HAT1: variants seen among roughly 807,000 people sequenced by gnomAD.
HAT1 encodes histone acetyltransferase 1, also known as histone acetyltransferase type B catalytic subunit.
Under a neutral mutation model 56.6 loss-of-function variants are expected in HAT1, and 20 were observed. The observed-to-expected ratio is 0.35, with a 90% CI of 0.25 to 0.51. The LOEUF is 0.51. Ranked by LOEUF, HAT1 falls within the 20% of genes least tolerant of loss-of-function variation. The probability of loss-of-function intolerance (pLI) is 0.95; values close to 1 mark genes in which losing one functional copy is unlikely to be tolerated. For synonymous variants in HAT1, 146 were observed against 165.5 expected (o/e 0.88, Z 0.91); for missense variants, 408 against 504.3 (o/e 0.81, Z 1.83).
intron 1 of HAT1, chr2:171,922,739 C>T (rs1649794215): frequency 2.0e-5 from 8 of 398,888 alleles, no homozygotes. Flanking sequence ...AGCAATCCGG[C>T]CCCTACCGAG....
chr2:171,970,496 C>CTTTTTTTTTTTTTTTTTTTTT (rs61462189), intron 8 of HAT1, among the ~76,000 whole-genome samples: 2 of 74,978 alleles, frequency 2.7e-5, no homozygotes, highest in African/African-American at 1.4e-4. Flanking sequence ...AATGCAGTTT[C>CTTTTTTTTTTTTTTTTTTTTT]TTTTTTTTTT....
chr2:171,925,782 C>A, intron 2 of HAT1, 141 bp downstream of exon 2: 1 of 530,210 alleles, frequency 1.9e-6, no homozygotes, highest in Non-Finnish European at 3.4e-6. Context: ...TGAACATATT[C>A]AGATTTTATT....
At chr2:171,922,789 G>C (rs866370060) in intron 1 of HAT1, 36 of 385,550 alleles carry the variant, frequency 9.3e-5, no homozygotes, top group African/African-American at 7.0e-4. Context: ...ATTTGGGCTC[G>C]TAAAATGCCA....
At chr2:171,927,179 A>T (rs1328224320) in intron 2 of HAT1, among the ~76,000 whole-genome samples, 1 of 152,226 alleles carries the variant, frequency 6.6e-6, no homozygotes, top group Admixed American at 6.5e-5. Context: ...GAATTATGGA[A>T]ATGTTTGAAA....
intron 3 of HAT1, among the ~76,000 whole-genome samples, chr2:171,947,510 C>T (rs990599699): frequency 1.3e-5 from 2 of 152,060 alleles, no homozygotes; most frequent in Non-Finnish European, 2.9e-5. Flanking sequence ...CCCACCTGCG[C>T]CTCCCAAAGA....
At chr2:171,931,066 A>AAATCTGCC (rs1452270939) in intron 2 of HAT1, among the ~76,000 whole-genome samples, 2 of 152,158 alleles carry the variant, frequency 1.3e-5, no homozygotes, top group Admixed American at 6.5e-5. Flanking sequence ...GTGAATACCA[A>AAATCTGCC]AATCTGCCGA....
At chr2:171,972,328 T>C (rs980766616) in intron 8 of HAT1, among the ~76,000 whole-genome samples, 2 of 149,538 alleles carry the variant, frequency 1.3e-5, no homozygotes, top group South Asian at 4.2e-4. Context: ...TGCAGTGGAG[T>C]GATAGCTTAT....
At chr2:171,934,340 G>T (rs1266163575) in intron 2 of HAT1, among the ~76,000 whole-genome samples, 1 of 152,192 alleles carries the variant, frequency 6.6e-6, no homozygotes, top group African/African-American at 2.4e-5. Context: ...CCTTGACAAT[G>T]TAAGAGGGGT....
intron 2 of HAT1, among the ~76,000 whole-genome samples, chr2:171,939,157 C>T (rs1686952914): frequency 6.6e-6 from 1 of 152,186 alleles, no homozygotes; most frequent in South Asian, 2.1e-4. Context: ...TCCATTCCTT[C>T]CCAGTTCAGG....
chr2:171,922,753 C>G (rs369247295), intron 1 of HAT1: 1 of 395,782 alleles, frequency 2.5e-6, no homozygotes, highest in Admixed American at 4.4e-5. Context: ...TACCGAGGGC[C>G]GAAGACGCCA....
intron 4 of HAT1, among the ~76,000 whole-genome samples, chr2:171,955,702 G>T (rs1459649172): frequency 6.6e-6 from 1 of 152,206 alleles, no homozygotes; most frequent in Middle Eastern, 3.4e-3. Context: ...GAGAACACCT[G>T]TATCATCTTA....
Position 171,946,688 on chromosome 2 carries a change from T to C in HAT1, c.113-20T>C, listed in dbSNP as rs1412780626. 1.4e-6 allele frequency: 2 copies of C among 1,444,862 alleles called. No homozygotes were observed. The highest frequency in any genetic ancestry group is 9.7e-7 in the Non-Finnish European group (1 of 1,034,458). The allele number at this position is 1,444,862 out of a possible 1,614,324, so 89.5% of individuals were successfully genotyped here. A position where few individuals can be genotyped will look rare whatever the true frequency, so the allele number is the denominator to read the frequency against. Reference sequence around the variant, plus strand: ...CTTTAGTTATCTTTAATATCTCTATTTTTTTGTCCCTTGAAACAGTTCGTT... The same window carrying C: ...CTTTAGTTATCTTTAATATCTCTATCTTTTTGTCCCTTGAAACAGTTCGTT... On this transcript the variant is annotated intron_variant, in intron 2 of 10. Coordinates refer to ENST00000264108, the MANE Select transcript of HAT1 (RefSeq NM_003642.4).
intron 2 of HAT1, among the ~76,000 whole-genome samples, chr2:171,935,515 C>CAAAAAAAA (rs56220004): frequency 1.8e-5 from 1 of 55,644 alleles, no homozygotes. Flanking sequence ...AACTCCATCT[C>CAAAAAAAA]AAAAAAAAAA....
At chr2:171,978,716 T>C (rs1350839310) in intron 9 of HAT1, among the ~76,000 whole-genome samples, 1 of 152,200 alleles carries the variant, frequency 6.6e-6, no homozygotes, top group Admixed American at 6.5e-5. Flanking sequence ...TTCTTTTTGC[T>C]ACCATTTCTT....
intron 3 of HAT1, among the ~76,000 whole-genome samples, chr2:171,948,063 T>G (rs769550026): frequency 1.4e-4 from 22 of 152,222 alleles, no homozygotes; most frequent in Non-Finnish European, 2.8e-4. Context: ...TTTACCTGGA[T>G]TCACCAGTTG....
chr2:171,959,916 C>G (rs1398432002), intron 4 of HAT1, among the ~76,000 whole-genome samples: 2 of 152,162 alleles, frequency 1.3e-5, no homozygotes, highest in Non-Finnish European at 2.9e-5. Context: ...GATACAAAGG[C>G]TCTAAAAATA....
At chr2:171,938,261 T>C (rs1686927308) in intron 2 of HAT1, among the ~76,000 whole-genome samples, 1 of 151,980 alleles carries the variant, frequency 6.6e-6, no homozygotes, top group African/African-American at 2.4e-5. Context: ...AGTAAATATA[T>C]TCAAAAGGAA....
chr2:171,944,749 C>G (rs1687114780), intron 2 of HAT1, among the ~76,000 whole-genome samples: 2 of 152,148 alleles, frequency 1.3e-5, no homozygotes, highest in South Asian at 4.1e-4. Flanking sequence ...AGGTGACTAC[C>G]AGATCTCTAC....
intron 4 of HAT1, among the ~76,000 whole-genome samples, chr2:171,963,964 T>G (rs1379261638): frequency 1.3e-5 from 2 of 152,186 alleles, no homozygotes; most frequent in Non-Finnish European, 2.9e-5. Context: ...TTTTCAATAA[T>G]AGGTCTTTTT....
Sources: gnomAD v4.1 joint callset for allele counts (sites outside exome capture counted in the v4.1 genomes callset) on GRCh38, gnomAD v4.1.1 for gene constraint, MANE v1.5 for transcripts, NCBI Gene and HGNC (gene_info 2026-07-23, HGNC 2026-07-21) for gene names.